The following SPRED1 variants were observed in gnomAD, a reference collection of about 807,000 sequenced individuals.
SPRED1 encodes sprouty-related, EVH1 domain-containing protein 1.
SPRED1 carries 18 observed loss-of-function variants against 52.3 expected under a neutral mutation model. The ratio of observed to expected loss-of-function variants is 0.34; its 90% CI spans 0.24 to 0.51. SPRED1 has a LOEUF of 0.51. Ranked by LOEUF, SPRED1 falls within the 20% of genes least tolerant of loss-of-function variation. The pLI, the probability that SPRED1 is intolerant of heterozygous loss-of-function variation, is 0.97. For missense variants in SPRED1, 485 were observed against 551.0 expected (o/e 0.88, Z 1.20); for synonymous variants, 155 against 179.7 (o/e 0.86, Z 1.10).
At chr15:38,287,570 G>A (rs1403048048) in intron 1 of SPRED1, among the ~76,000 whole-genome samples, 1 of 151,930 alleles carries the variant, frequency 6.6e-6, no homozygotes, top group Non-Finnish European at 1.5e-5. Flanking sequence ...GCTCTTTCTT[G>A]TCTGGTGGCC....
At chr15:38,301,481 C>A (rs1246718430) in intron 2 of SPRED1, among the ~76,000 whole-genome samples, 1 of 152,038 alleles carries the variant, frequency 6.6e-6, no homozygotes, top group Non-Finnish European at 1.5e-5. Flanking sequence ...CTCAGTATTG[C>A]CATAAAGGAG....
At chr15:38,346,882 T>A (rs182216299) in intron 5 of SPRED1, among the ~76,000 whole-genome samples, 2 of 152,308 alleles carry the variant, frequency 1.3e-5, no homozygotes, top group African/African-American at 4.8e-5. Flanking sequence ...CGGAAATAAC[T>A]GTGATTGTTC....
At chr15:38,292,105 C>T (rs534413052) in intron 1 of SPRED1, among the ~76,000 whole-genome samples, 9 of 152,296 alleles carry the variant, frequency 5.9e-5, no homozygotes, top group Admixed American at 5.2e-4. Context: ...TACCCTAAAT[C>T]ATCTCTTTCA....
At chr15:38,312,684 C>G (rs991755995) in intron 2 of SPRED1, among the ~76,000 whole-genome samples, 2 of 151,986 alleles carry the variant, frequency 1.3e-5, no homozygotes, top group Non-Finnish European at 2.9e-5. Flanking sequence ...TTACAGGTCT[C>G]TAATGGTTTT....
chr15:38,304,130 A>G (rs1459869278), intron 2 of SPRED1, among the ~76,000 whole-genome samples: 1 of 152,228 alleles, frequency 6.6e-6, no homozygotes, highest in Non-Finnish European at 1.5e-5. Flanking sequence ...GAAGAAAATA[A>G]TGTGGTTATA....
intron 1 of SPRED1, among the ~76,000 whole-genome samples, chr15:38,263,387 C>T (rs1273512016): frequency 6.6e-6 from 1 of 152,076 alleles, no homozygotes; most frequent in Non-Finnish European, 1.5e-5. Flanking sequence ...ATAGTGACAT[C>T]TTCAGCATAT....
At chr15:38,274,524 A>G (rs1020238422) in intron 1 of SPRED1, among the ~76,000 whole-genome samples, 1 of 152,246 alleles carries the variant, frequency 6.6e-6, no homozygotes, top group Admixed American at 6.5e-5. Context: ...GAAAAAATAT[A>G]CAAAGAATGC....
chr15:38,280,412 G>C (rs1894662826), intron 1 of SPRED1, among the ~76,000 whole-genome samples: 1 of 152,078 alleles, frequency 6.6e-6, no homozygotes, highest in Middle Eastern at 3.2e-3. Context: ...TGAGTTGCTT[G>C]TTTACTCTTA....
intron 2 of SPRED1, among the ~76,000 whole-genome samples, chr15:38,321,775 A>G (rs1165006532): frequency 6.6e-6 from 1 of 151,996 alleles, no homozygotes; most frequent in Non-Finnish European, 1.5e-5. Flanking sequence ...TTATATTTTT[A>G]GTAGAGATGG....
At chr15:38,263,521 GA>G (rs1190253171) in intron 1 of SPRED1, among the ~76,000 whole-genome samples, 1 of 152,206 alleles carries the variant, frequency 6.6e-6, no homozygotes, top group African/African-American at 2.4e-5. Flanking sequence ...CCAAAAGACG[GA>G]AGTGGCTTAA....
intron 5 of SPRED1, among the ~76,000 whole-genome samples, chr15:38,347,302 A>G (rs1239215575): frequency 1.3e-5 from 2 of 152,064 alleles, no homozygotes; most frequent in African/African-American, 2.4e-5. Context: ...ATGCAGTACC[A>G]TATCTGACAC....
intron 2 of SPRED1, among the ~76,000 whole-genome samples, chr15:38,320,883 C>G (rs1306002666): frequency 6.6e-6 from 1 of 152,066 alleles, no homozygotes; most frequent in African/African-American, 2.4e-5. Flanking sequence ...TGATGAAAGA[C>G]AGGCCCAGGA....
At chr15:38,340,181 TATC>T (rs1425919713) in intron 5 of SPRED1, among the ~76,000 whole-genome samples, 1 of 152,246 alleles carries the variant, frequency 6.6e-6, no homozygotes, top group East Asian at 1.9e-4. Flanking sequence ...TTTCAATATT[TATC>T]ATTAATTATG....
intron 4 of SPRED1, among the ~76,000 whole-genome samples, chr15:38,332,969 G>GT (rs1895834939): frequency 6.6e-6 from 1 of 152,216 alleles, no homozygotes; most frequent in Non-Finnish European, 1.5e-5. Flanking sequence ...GAACAGGACA[G>GT]CACTCTGGAG....
intron 2 of SPRED1, among the ~76,000 whole-genome samples, chr15:38,304,037 T>A (rs1030977478): frequency 4.6e-5 from 7 of 152,358 alleles, no homozygotes; most frequent in Admixed American, 4.6e-4. Context: ...ATGGTTCTAT[T>A]GTTTAAAAAG....
chr15:38,287,563 C>T (rs1052693698), intron 1 of SPRED1, among the ~76,000 whole-genome samples: 5 of 152,254 alleles, frequency 3.3e-5, no homozygotes, highest in Middle Eastern at 6.8e-3. Context: ...CTCTAATGCT[C>T]TTTCTTGTCT....
intron 1 of SPRED1, chr15:38,283,385 G>T (rs917897789): frequency 1.1e-4 from 41 of 367,778 alleles, no homozygotes; most frequent in Non-Finnish European, 7.9e-5. Context: ...GGGACACAGA[G>T]CCAGACCATG....
At chr15:38,255,039 G>A (rs1215857918) in intron 1 of SPRED1, among the ~76,000 whole-genome samples, 1 of 152,070 alleles carries the variant, frequency 6.6e-6, no homozygotes, top group Non-Finnish European at 1.5e-5. Flanking sequence ...TCTGGTTGCA[G>A]CTAATAAAAA....
chr15:38,303,688 A>G (rs1895194074), intron 2 of SPRED1, among the ~76,000 whole-genome samples: 2 of 152,046 alleles, frequency 1.3e-5, no homozygotes, highest in South Asian at 4.1e-4. Context: ...AAAATATTAT[A>G]AATTTGCTAG....
Sources: gnomAD v4.1 joint callset for allele counts (sites outside exome capture counted in the v4.1 genomes callset) on GRCh38, gnomAD v4.1.1 for gene constraint, MANE v1.5 for transcripts, NCBI Gene and HGNC (gene_info 2026-07-23, HGNC 2026-07-21) for gene names.